The following KLHL1 variants were observed in gnomAD, a reference collection of about 807,000 sequenced individuals.
KLHL1 encodes kelch-like protein 1.
A neutral mutation model predicts 77.7 loss-of-function variants in KLHL1; 47 were observed. That is an observed-to-expected ratio of 0.60 (90% confidence interval 0.48 to 0.77). The LOEUF is 0.77. Ranked by LOEUF, KLHL1 falls within the 30% of genes least tolerant of loss-of-function variation. KLHL1 has a pLI of 0.00. For missense variants in KLHL1, 925 were observed against 910.8 expected, an observed-to-expected ratio of 1.02 and a Z score of -0.20; for synonymous variants, 360 against 325.2, an observed-to-expected ratio of 1.11 and a Z score of -1.15.
intron 7 of KLHL1, among the ~76,000 whole-genome samples, chr13:69,789,965 G>GTCTT (rs145741254): frequency 0.013 from 1,932 of 152,106 alleles, 18 homozygotes; most frequent in Non-Finnish European, 0.02. Context: ...AGCATCCAGC[G>GTCTT]TCTTTCCATA....
Position 69,805,090 on chromosome 13 carries a change from T to C in KLHL1, c.1415-8128A>G, listed in dbSNP as rs1005909082. Among the ~76,000 whole-genome samples the C allele has an allele frequency of 2.0e-5, 3 of 152,064 alleles. 1 individual carries two copies. Among genetic ancestry groups the C allele is most frequent in the Non-Finnish European group, 4.4e-5 (3 of 67,918 alleles). ...AGGTATCATTGCAGGAGAAATATTT[T>C]TCCAGCACAAATAAAAGTCTTTATT... On this transcript the variant is annotated intron_variant, in intron 6 of 10. Transcript: ENST00000377844.
chr13:69,900,038 G>A (rs1881800651), intron 4 of KLHL1, among the ~76,000 whole-genome samples: 1 of 152,050 alleles, frequency 6.6e-6, no homozygotes, highest in African/African-American at 2.4e-5. Context: ...CACCTCTTTA[G>A]GAGAGATAAG....
intron 8 of KLHL1, among the ~76,000 whole-genome samples, chr13:69,724,678 G>C (rs555354273): frequency 6.6e-6 from 1 of 151,966 alleles, no homozygotes; most frequent in South Asian, 2.1e-4. Context: ...AGGATGCAAG[G>C]ATAGTTCAAC....
rs550769305 is a variant in KLHL1, at chr13:70,007,052, C to T, written c.498-31250G>A. Reference sequence around the variant, plus strand: ...ATTGTTGGTGTTCAGAGAAAACAACCGGATTGAAATTATGAATCCACTGTT... The same window carrying T: ...ATTGTTGGTGTTCAGAGAAAACAACTGGATTGAAATTATGAATCCACTGTT... On this transcript the variant is annotated intron_variant, in intron 1 of 10. Coordinates refer to ENST00000377844, the MANE Select transcript of KLHL1 (RefSeq NM_020866.3). Among the ~76,000 whole-genome samples the T allele has an allele frequency of 4.0e-5, 6 of 151,826 alleles. No homozygotes were observed. The East Asian group carries it at 7.8e-4, about 20-fold the overall frequency.
At chr13:69,891,517 A>T (rs1041683723) in intron 4 of KLHL1, among the ~76,000 whole-genome samples, 2 of 152,050 alleles carry the variant, frequency 1.3e-5, no homozygotes, top group African/African-American at 4.8e-5. Flanking sequence ...GTTAGAAATT[A>T]TAGTGGAAAT....
At chr13:70,074,503 C>T (rs968135150) in intron 1 of KLHL1, among the ~76,000 whole-genome samples, 1 of 151,942 alleles carries the variant, frequency 6.6e-6, no homozygotes, top group Non-Finnish European at 1.5e-5. Context: ...ATCGTCCACC[C>T]AAGAGATTCC....
intron 5 of KLHL1, among the ~76,000 whole-genome samples, chr13:69,854,786 G>T (rs1332728679): frequency 2.0e-5 from 3 of 151,918 alleles, no homozygotes; most frequent in East Asian, 3.9e-4. Context: ...ACATTAAAGT[G>T]ATCCATTTTT....
chr13:69,824,587 A>T (rs994112018), intron 6 of KLHL1, among the ~76,000 whole-genome samples: 3 of 152,168 alleles, frequency 2.0e-5, no homozygotes, highest in African/African-American at 7.2e-5. Context: ...GAAGATAGGG[A>T]TATGCACAAC....
At chr13:69,991,190 T>C (rs1391598953) in intron 1 of KLHL1, among the ~76,000 whole-genome samples, 1 of 151,736 alleles carries the variant, frequency 6.6e-6, no homozygotes, top group East Asian at 1.9e-4. Context: ...TAAACACCCA[T>C]ATATAAAAGT....
chr13:69,807,958 G>A (rs1877686396), intron 6 of KLHL1, among the ~76,000 whole-genome samples: 1 of 152,060 alleles, frequency 6.6e-6, no homozygotes, highest in South Asian at 2.1e-4. Context: ...ATAAGAAGGA[G>A]GCAGATGTCA....
intron 1 of KLHL1, among the ~76,000 whole-genome samples, chr13:70,043,475 C>T (rs1017560879): frequency 1.1e-4 from 16 of 152,072 alleles, no homozygotes; most frequent in African/African-American, 3.6e-4. Context: ...TGGTAGTGTA[C>T]AGTAATGTTC....
intron 1 of KLHL1, among the ~76,000 whole-genome samples, chr13:70,032,416 G>A (rs750668255): frequency 6.6e-6 from 1 of 152,084 alleles, no homozygotes; most frequent in African/African-American, 2.4e-5. Context: ...GATAAAACTT[G>A]ACAGAAAACA....
At chr13:69,935,006 TATC>T (rs1196231234) in intron 4 of KLHL1, among the ~76,000 whole-genome samples, 1 of 134,770 alleles carries the variant, frequency 7.4e-6, no homozygotes, top group Non-Finnish European at 1.5e-5. Context: ...ATATACATAT[TATC>T]ATTATAAAGT....
intron 9 of KLHL1, among the ~76,000 whole-genome samples, chr13:69,712,771 T>TGG (rs1566353763): frequency 1.5e-5 from 2 of 134,646 alleles, no homozygotes; most frequent in African/African-American, 5.7e-5. Flanking sequence ...TTTTTTTTTT[T>TGG]TGGGGGGGGG....
chr13:70,100,079 G>T (rs1308841922), intron 1 of KLHL1, among the ~76,000 whole-genome samples: 1 of 151,762 alleles, frequency 6.6e-6, no homozygotes, highest in Non-Finnish European at 1.5e-5. Context: ...TAACAAAAAA[G>T]CATGCAAAGA....
chr13:70,084,388 A>C (rs1887468297), intron 1 of KLHL1, among the ~76,000 whole-genome samples: 1 of 152,022 alleles, frequency 6.6e-6, no homozygotes, highest in Non-Finnish European at 1.5e-5. Flanking sequence ...CACAAAGTAA[A>C]AGTGAAAGCA....
At position 70,092,735 on chromosome 13, in the gene KLHL1, T is replaced by C. The variant is rs186117812; in HGVS notation, c.497+14468A>G. ...ACTAAAAACAAAGAGAAATTGCTCA[T>C]GTTTTACAGTATAGGAGTGTGATTG... On this transcript the variant is annotated intron_variant, in intron 1 of 10. Transcript: ENST00000377844. 5.3e-4 allele frequency among the ~76,000 whole-genome samples: 81 copies of C among 152,322 alleles called. 1 individual carries two copies. In the East Asian group the frequency reaches 0.012, roughly 23 times the overall value.
At chr13:69,705,249 C>T (rs535383961) in intron 10 of KLHL1, among the ~76,000 whole-genome samples, 64 of 151,368 alleles carry the variant, frequency 4.2e-4, no homozygotes, top group African/African-American at 1.4e-3. Flanking sequence ...AAAATAAGCT[C>T]GGTGTTCAAT....
intron 4 of KLHL1, among the ~76,000 whole-genome samples, chr13:69,902,312 G>T (rs577322700): frequency 7.9e-5 from 12 of 152,228 alleles, no homozygotes; most frequent in African/African-American, 2.6e-4. Context: ...TTCTCATGAG[G>T]TAGAGAAGGC....
Sources: gnomAD v4.1 joint callset for allele counts (sites outside exome capture counted in the v4.1 genomes callset) on GRCh38, gnomAD v4.1.1 for gene constraint, MANE v1.5 for transcripts, NCBI Gene and HGNC (gene_info 2026-07-23, HGNC 2026-07-21) for gene names.